POU6F2: variants seen among roughly 807,000 people sequenced by gnomAD.
POU6F2 encodes the protein POU class 6 homeobox 2.
POU6F2 carries 31 observed loss-of-function variants against 71.3 expected under a neutral mutation model. The observed-to-expected ratio is 0.43, with a 90% CI of 0.33 to 0.59. The LOEUF (loss-of-function observed/expected upper bound fraction) is 0.59. Among genes scored for constraint, POU6F2 ranks in the 20% least tolerant of loss-of-function variants. The probability of loss-of-function intolerance (pLI) is 0.04; values close to 1 mark genes in which losing one functional copy is unlikely to be tolerated. For synonymous variants in POU6F2, 347 were observed against 355.7 expected, an observed-to-expected ratio of 0.98 and a Z score of 0.27; for missense variants, 783 against 856.8, an observed-to-expected ratio of 0.91 and a Z score of 1.07.
intron 4 of POU6F2, among the ~76,000 whole-genome samples, chr7:39,260,515 C>CACCACATTCCACACACAT (rs1784114327): frequency 2.1e-5 from 3 of 144,930 alleles, no homozygotes; most frequent in Non-Finnish European, 3.0e-5. Context: ...ACACACACCA[C>CACCACATTCCACACACAT]ACCACATTCC....
chr7:39,409,955 T>C (rs1787519407), intron 6 of POU6F2, among the ~76,000 whole-genome samples: 1 of 152,246 alleles, frequency 6.6e-6, no homozygotes, highest in African/African-American at 2.4e-5. Context: ...CAGTTGTTTT[T>C]GTAACTTTCT....
chr7:39,010,734 C>G (rs1202598567), intron 1 of POU6F2, among the ~76,000 whole-genome samples: 6 of 140,508 alleles, frequency 4.3e-5, no homozygotes, highest in African/African-American at 1.3e-4. Flanking sequence ...TCTTTGTTCT[C>G]GTTGGTTTCA....
In POU6F2 at chr7:39,433,165, C is replaced by A. The variant is rs1206830294; in HGVS notation, c.1202C>A (p.Thr401Asn). 1 of 1,613,856 alleles carries A rather than the reference C, an allele frequency of 6.2e-7. No homozygotes were observed. The highest frequency in any genetic ancestry group is 8.5e-7 in the Non-Finnish European group (1 of 1,179,856). The part of the protein sequence containing the change: ...GTQGLQVQPI[T>N]PQLLTNAQGQ... Reference sequence around the variant, plus strand: ...CAGGGCTTGCAAGTGCAGCCAATCACCCCCCAGCTCCTCACAAACGCCCAG... The same window carrying A: ...CAGGGCTTGCAAGTGCAGCCAATCAACCCCCAGCTCCTCACAAACGCCCAG... Residue 401 changes from threonine to asparagine, a missense_variant, in exon 7 of 10, where the codon ACC becomes AAC. Physicochemically the swap from Thr to Asn is moderately conservative, Grantham distance 65 (BLOSUM62 0). Transcript: ENST00000518318.
chr7:39,464,632 G>A lies in POU6F2; in HGVS notation c.2109G>A (p.Pro703=), dbSNP rs879143004. The A allele has an allele frequency of 1.6e-5, 25 of 1,608,862 alleles. No homozygotes were observed. Among genetic ancestry groups the A allele is most frequent in the South Asian group, 4.5e-5 (4 of 89,828 alleles). Residue 703 remains proline (P), a synonymous_variant, in exon 10 of 10, where the codon CCG becomes CCA. Coordinates refer to ENST00000518318, the MANE Select transcript of POU6F2 (RefSeq NM_001370959.1). This position sits in a 1 kb window ranked among gnomAD's most constrained non-coding sequence, Gnocchi z 4.1. The part of the protein sequence containing the change: ...NTIKRLKQHE[P]ATAVPLEPLT... ...TTAAACGCTTAAAACAGCACGAGCC[G>A]GCCACGGCAGTCCCTTTGGAGCCCT...
chr7:38,991,916 C>T (rs1788613394), intron 1 of POU6F2, among the ~76,000 whole-genome samples: 1 of 152,006 alleles, frequency 6.6e-6, no homozygotes, highest in Admixed American at 6.6e-5. Flanking sequence ...TTTCTCTTCT[C>T]TCTCCATACC....
intron 2 of POU6F2, among the ~76,000 whole-genome samples, chr7:39,167,459 C>T (rs1793137255): frequency 6.6e-6 from 1 of 151,970 alleles, no homozygotes; most frequent in Non-Finnish European, 1.5e-5. Context: ...TTTACCTGTA[C>T]AATATTTCTA....
chr7:39,416,323 C>T (rs1290323280), intron 6 of POU6F2, among the ~76,000 whole-genome samples: 1 of 152,106 alleles, frequency 6.6e-6, no homozygotes, highest in Non-Finnish European at 1.5e-5. Context: ...GAGAAAATCG[C>T]CTTAAGGTGT....
chr7:39,149,016 A>G (rs549826097), intron 2 of POU6F2, among the ~76,000 whole-genome samples: 7 of 152,304 alleles, frequency 4.6e-5, no homozygotes, highest in Admixed American at 4.6e-4. Context: ...GAAAGCACTG[A>G]TAGAGAAGTT....
At chr7:39,136,777 C>A (rs1297438807) in intron 2 of POU6F2, among the ~76,000 whole-genome samples, 1 of 150,880 alleles carries the variant, frequency 6.6e-6, no homozygotes, top group African/African-American at 2.4e-5. Context: ...GAGGATCACT[C>A]GAGACCAAGA....
At position 39,464,253 on chromosome 7, in the gene POU6F2, C is replaced by T. The variant is rs1203244354; in HGVS notation, c.1730C>T (p.Thr577Ile). The stretch of plus-strand genomic sequence containing the variant: ...GAGAACACTATAGCTAGCAGTCTGA[C>T]AGCCAAACTGAACCCTGGCCTTTTG... ...AQENTIASSL[T>I]AKLNPGLLYP... Residue 577 changes from threonine (T) to isoleucine (I), a missense_variant, in exon 10 of 10, where the codon ACA (threonine) becomes ATA (isoleucine). Thr to Ile is a moderately conservative substitution (Grantham distance 89). Transcript: ENST00000518318. This position sits in a 1 kb window ranked among gnomAD's most constrained non-coding sequence, Gnocchi z 4.1. 1.2e-6 allele frequency: 2 copies of T among 1,613,986 alleles called. No individual in the cohort carries two copies. Among genetic ancestry groups the T allele is most frequent in the Admixed American group, 3.3e-5 (2 of 60,026 alleles).
intron 1 of POU6F2, among the ~76,000 whole-genome samples, chr7:39,000,285 A>T (rs963257192): frequency 2.6e-5 from 4 of 152,204 alleles, no homozygotes; most frequent in African/African-American, 9.6e-5. Context: ...CTCTTGGGAA[A>T]ATCCTCAGAA....
chr7:39,065,006 GA>G (rs1354926992), intron 1 of POU6F2, among the ~76,000 whole-genome samples: 1 of 151,764 alleles, frequency 6.6e-6, no homozygotes, highest in African/African-American at 2.4e-5. Flanking sequence ...ACTTTAGCTA[GA>G]CCAAGGAGAC....
intron 4 of POU6F2, among the ~76,000 whole-genome samples, chr7:39,277,203 C>T (rs1784458359): frequency 6.6e-6 from 1 of 152,092 alleles, no homozygotes; most frequent in African/African-American, 2.4e-5. Context: ...CTCTTAAATC[C>T]TGTCACTAAT....
intron 1 of POU6F2, among the ~76,000 whole-genome samples, chr7:39,025,304 C>G (rs1483116976): frequency 6.6e-6 from 1 of 151,950 alleles, no homozygotes; most frequent in East Asian, 1.9e-4. Flanking sequence ...AATCCTAAGC[C>G]AAAAGGACAA....
chr7:39,198,112 T>C (rs1365368058), intron 2 of POU6F2, among the ~76,000 whole-genome samples: 3 of 152,230 alleles, frequency 2.0e-5, no homozygotes, highest in Admixed American at 6.5e-5. Flanking sequence ...GAGACCTTTA[T>C]TGGGCTGGAT....
intron 2 of POU6F2, among the ~76,000 whole-genome samples, chr7:39,102,271 T>C (rs1231412073): frequency 6.6e-6 from 1 of 152,204 alleles, no homozygotes; most frequent in African/African-American, 2.4e-5. Context: ...TTTCTTGTGG[T>C]CAAAATATTC....
intron 4 of POU6F2, among the ~76,000 whole-genome samples, chr7:39,233,577 A>G (rs1368073925): frequency 2.6e-5 from 4 of 152,108 alleles, no homozygotes; most frequent in African/African-American, 9.7e-5. Flanking sequence ...GGGCTAGAGG[A>G]TGATGATCTG....
At chr7:39,339,601 G>T (rs1785863501) in intron 4 of POU6F2, 41 bp from the exon 5 acceptor site, 1 of 1,543,222 alleles carries the variant, frequency 6.5e-7, no homozygotes, top group South Asian at 1.2e-5. Context: ...AAGACACTTT[G>T]TCATGTTATC....
At position 39,067,517 on chromosome 7, in the gene POU6F2, A is replaced by G. The variant is rs367905168; in HGVS notation, c.106-18343A>G. ...TCTAGAAAAAATATTTGGGATGCAT[A>G]CAATTTGGAATCAGAATTACAGCTA... On this transcript the variant is annotated intron_variant, in intron 1 of 9. Transcript: ENST00000518318. Among the ~76,000 whole-genome samples, 18 of 152,160 alleles carry G rather than the reference A, an allele frequency of 1.2e-4. No homozygotes were observed. The East Asian group carries it at 1.5e-3, about 13-fold the overall frequency.
Sources: allele counts gnomAD v4.1 joint callset (sites outside exome capture counted in the v4.1 genomes callset), GRCh38; gene constraint gnomAD v4.1.1; non-coding constraint Gnocchi (gnomAD v3.1); transcripts MANE v1.5; gene names NCBI Gene and HGNC (gene_info 2026-07-23, HGNC 2026-07-21).